The following KCNQ1 variants were observed in gnomAD, a reference collection of about 807,000 sequenced individuals.
The protein encoded by KCNQ1 is potassium voltage-gated channel subfamily KQT member 1.
In KCNQ1, 49 loss-of-function variants were observed where a neutral mutation model predicts 72.4. That is an observed-to-expected ratio of 0.68 (90% CI 0.54 to 0.86). The LOEUF (loss-of-function observed/expected upper bound fraction) is 0.86. Among genes scored for constraint, KCNQ1 ranks in the 40% least tolerant of loss-of-function variants. KCNQ1 has a pLI of 0.00. For synonymous variants in KCNQ1, 450 were observed against 412.6 expected (o/e 1.09, Z -1.10); for missense variants, 790 against 945.1 (o/e 0.84, Z 2.15).
chr11:2,581,196 C>A (rs567889616), intron 6 of KCNQ1, among the ~76,000 whole-genome samples: 1 of 152,242 alleles, frequency 6.6e-6, no homozygotes, highest in Non-Finnish European at 1.5e-5. Context: ...CTTCTAGGCC[C>A]GTTTCTGGGC....
chr11:2,659,986 G>A lies in KCNQ1; in HGVS notation c.1394-1975G>A. The A allele has an allele frequency of 2.5e-6, 1 of 398,398 alleles. No homozygotes were observed. 24.7% of individuals were successfully genotyped at this position (398,398 alleles called of 1,614,324 possible). Reference sequence around the variant, plus strand: ...ATGCAAATATTCTTTCCAAGTCTGTGCTTTGTCTTTTCATTCCATTAGCAG... The same window carrying A: ...ATGCAAATATTCTTTCCAAGTCTGTACTTTGTCTTTTCATTCCATTAGCAG... On this transcript the variant is annotated intron_variant, in intron 10 of 15. Transcript: ENST00000155840. This position sits in a 1 kb window ranked among gnomAD's most constrained non-coding sequence, Gnocchi z 4.3.
At chr11:2,736,480 C>T (rs560941341) in intron 11 of KCNQ1, among the ~76,000 whole-genome samples, 3 of 152,224 alleles carry the variant, frequency 2.0e-5, no homozygotes, top group East Asian at 3.9e-4. Context: ...CGGTGGCCCC[C>T]GTGCCTGGAG....
At chr11:2,667,013 T>C (rs907099979) in intron 11 of KCNQ1, 2 of 398,464 alleles carry the variant, frequency 5.0e-6, no homozygotes, top group African/African-American at 4.1e-5. Context: ...AGTCATAGGA[T>C]CCCCGTCAGA....
intron 1 of KCNQ1, among the ~76,000 whole-genome samples, chr11:2,456,231 G>A (rs56714380): frequency 0.21 from 31,399 of 151,758 alleles, 4,715 homozygotes; most frequent in African/African-American, 0.41. Context: ...CCAGCTACCC[G>A]GGAAGCTGAG....
chr11:2,464,081 C>T lies in KCNQ1; in HGVS notation c.386+18597C>T, dbSNP rs1474878135. Among the ~76,000 whole-genome samples, 5 of 152,184 alleles carry T rather than the reference C, an allele frequency of 3.3e-5. No homozygotes were observed. Among genetic ancestry groups the T allele is most frequent in the African/African-American group, 1.2e-4 (5 of 41,462 alleles). ...GATCCAGGCAGGGCCGGGATGTTTGCAGGACCCACGGGACAATTAGAACGA... is the reference window on the plus strand; with the variant it reads ...GATCCAGGCAGGGCCGGGATGTTTGTAGGACCCACGGGACAATTAGAACGA... On this transcript the variant is annotated intron_variant, in intron 1 of 15. Coordinates refer to ENST00000155840, the MANE Select transcript of KCNQ1 (RefSeq NM_000218.3). The surrounding 1 kb of genome is among the most constrained non-coding windows in gnomAD (Gnocchi z 5.0).
At position 2,723,300 on chromosome 11, in the gene KCNQ1, C is replaced by T. The variant is rs771386261; in HGVS notation, c.1515-45544C>T. Among the ~76,000 whole-genome samples, 2 of 152,218 alleles carry T rather than the reference C, an allele frequency of 1.3e-5. No individual in the cohort carries two copies. Among genetic ancestry groups the T allele is most frequent in the Non-Finnish European group, 2.9e-5 (2 of 68,044 alleles). The stretch of plus-strand genomic sequence containing the variant: ...ATTTACCGTTGGGGCAAGTGAGGGA[C>T]GAGGAGGCTCCGCAGCCTCCCCCGG... On this transcript the variant is annotated intron_variant, in intron 11 of 15. Coordinates refer to ENST00000155840, the MANE Select transcript of KCNQ1 (RefSeq NM_000218.3). This position sits in a 1 kb window ranked among gnomAD's most constrained non-coding sequence, Gnocchi z 4.2.
intron 14 of KCNQ1, 80 bp from the exon 15 acceptor site, chr11:2,777,896 C>CA (rs761075074): frequency 3.0e-5 from 37 of 1,250,980 alleles, no homozygotes; most frequent in Non-Finnish European, 4.1e-5. Context: ...CCAGCCCTAC[C>CA]ACCCCACTTC....
chr11:2,640,504 T>A, intron 10 of KCNQ1: 1 of 398,492 alleles, frequency 2.5e-6, no homozygotes, highest in Admixed American at 4.4e-5. Flanking sequence ...CAGGCTGGTC[T>A]TGAATTCCTG....
At chr11:2,529,631 G>A (rs752883904) in intron 2 of KCNQ1, among the ~76,000 whole-genome samples, 3 of 152,190 alleles carry the variant, frequency 2.0e-5, no homozygotes, top group Admixed American at 6.5e-5. Flanking sequence ...TGGCGTCTGC[G>A]AAAGCTGTTA....
rs28730755 is a variant in KCNQ1, at chr11:2,573,074, C to T, written c.921+88C>T. On this transcript the variant is annotated intron_variant, in intron 6 of 15. Coordinates refer to ENST00000155840, the MANE Select transcript of KCNQ1 (RefSeq NM_000218.3). ...TCTGGGCACTGGTGTCTTGAGACTT[C>T]GGGCCTTGGCAGGGGCTTCTCACCT... is the stretch of plus-strand genomic sequence containing the variant. The T allele has an allele frequency of 1.0e-3, 1,487 of 1,488,152 alleles. 4 individuals carry two copies. The African/African-American group carries it at 0.016, about 16-fold the overall frequency. The allele number at this position is 1,488,152 out of a possible 1,614,324, so 92.2% of individuals were successfully genotyped here. A position where few individuals can be genotyped will look rare whatever the true frequency, so the allele number is the denominator to read the frequency against.
chr11:2,782,621 C>G lies in KCNQ1; in HGVS notation c.1794+4584C>G, dbSNP rs139791590. 6.6e-6 allele frequency among the ~76,000 whole-genome samples: 1 copy of G among 152,276 alleles called. No homozygotes were observed. Among genetic ancestry groups the G allele is most frequent in the East Asian group, 1.9e-4 (1 of 5,194 alleles). ...ATTCATCATTCCTGATTCAATCGCT[C>G]TAATAATTATGGACTGTTCAGGTTT... On this transcript the variant is annotated intron_variant, in intron 15 of 15. Coordinates refer to ENST00000155840, the MANE Select transcript of KCNQ1 (RefSeq NM_000218.3). The surrounding 1 kb of genome is among the most constrained non-coding windows in gnomAD (Gnocchi z 6.1).
intron 11 of KCNQ1, chr11:2,665,595 C>T (rs1045903779): frequency 5.0e-6 from 2 of 396,634 alleles, no homozygotes; most frequent in Non-Finnish European, 4.4e-6. Context: ...CTCAGTAAAC[C>T]CCCCAGGACA....
chr11:2,449,446 G>A (rs574029916), intron 1 of KCNQ1, among the ~76,000 whole-genome samples: 9 of 152,340 alleles, frequency 5.9e-5, no homozygotes, highest in South Asian at 2.1e-4. Flanking sequence ...ATGAACTTCC[G>A]CTGGGCCTGA....
chr11:2,572,602 G>A (rs1848353830), intron 5 of KCNQ1, among the ~76,000 whole-genome samples: 1 of 152,198 alleles, frequency 6.6e-6, no homozygotes, highest in African/African-American at 2.4e-5. Flanking sequence ...TGGAGCCCGC[G>A]CCGGCCCAGA....
intron 1 of KCNQ1, among the ~76,000 whole-genome samples, chr11:2,514,231 C>T (rs773614343): frequency 9.2e-5 from 14 of 152,246 alleles, no homozygotes; most frequent in Admixed American, 7.8e-4. Flanking sequence ...CCGTGCAGGA[C>T]ACTGGCTGCC....
Position 2,691,668 on chromosome 11 carries a change from A to G in KCNQ1, c.1514+29587A>G, listed in dbSNP as rs1850590396. The stretch of plus-strand genomic sequence containing the variant: ...CGCCACAGTTCCAAGGGTGAAACAG[A>G]GAACCAGGTGGGGAAGGGGTCTCTC... On this transcript the variant is annotated intron_variant, in intron 11 of 15. Transcript: ENST00000155840. The surrounding 1 kb of genome is among the most constrained non-coding windows in gnomAD (Gnocchi z 6.4). 2 of 398,588 alleles carry G rather than the reference A, an allele frequency of 5.0e-6. No homozygotes were observed. The highest frequency in any genetic ancestry group is 8.8e-6 in the Non-Finnish European group (2 of 226,072). The allele number at this position is 398,588 out of a possible 1,614,324, so 24.7% of individuals were successfully genotyped here. A position where few individuals can be genotyped will look rare whatever the true frequency, so the allele number is the denominator to read the frequency against.
chr11:2,655,041 C>T (rs543981196), intron 10 of KCNQ1: 84 of 398,548 alleles, frequency 2.1e-4, no homozygotes, highest in African/African-American at 1.6e-3. Context: ...ACAAAGTTAA[C>T]ATTTGGATCT....
At chr11:2,606,303 A>T (rs1484638034) in intron 10 of KCNQ1, among the ~76,000 whole-genome samples, 9 of 152,174 alleles carry the variant, frequency 5.9e-5, no homozygotes, top group Non-Finnish European at 1.0e-4. Context: ...CAACATTGAT[A>T]CGGTTTGGAT....
At chr11:2,721,407 T>C (rs2283206) in intron 11 of KCNQ1, among the ~76,000 whole-genome samples, 121,042 of 152,254 alleles carry the variant, frequency 0.8, 48,645 homozygotes, top group Middle Eastern at 0.92. Context: ...TTCCCAGTCC[T>C]AGCTCAGCCT....
Sources: allele counts gnomAD v4.1 joint callset (sites outside exome capture counted in the v4.1 genomes callset), GRCh38; gene constraint gnomAD v4.1.1; non-coding constraint Gnocchi (gnomAD v3.1); transcripts MANE v1.5; gene names NCBI Gene and HGNC (gene_info 2026-07-23, HGNC 2026-07-21).